Variants in LNX1 observed in about 807,000 individuals in gnomAD.
LNX1 encodes the protein E3 ubiquitin-protein ligase LNX.
A neutral mutation model predicts 68.4 loss-of-function variants in LNX1; 54 were observed. The observed-to-expected ratio is 0.79, with a 90% CI of 0.63 to 0.99. LNX1 has a LOEUF of 0.99. LNX1 is among the 50% of genes least tolerant of loss of function. LNX1 has a pLI of 0.00. For missense variants in LNX1, 906 were observed against 926.4 expected (o/e 0.98, Z 0.29); for synonymous variants, 336 against 350.0 (o/e 0.96, Z 0.45).
intron 1 of LNX1, among the ~76,000 whole-genome samples, chr4:53,643,136 T>C (rs1734749441): frequency 6.6e-6 from 1 of 152,056 alleles, no homozygotes; most frequent in South Asian, 2.1e-4. Flanking sequence ...TATTGTTGAG[T>C]CAAGAAATCT....
exon 1 of LNX1, chr4:53,652,171 T>C (rs1735135089): frequency 6.6e-6 from 1 of 152,180 alleles, no homozygotes; most frequent in Admixed American, 6.6e-5. Context: ...ATCTTACCTT[T>C]GCTGTATTGC....
chr4:53,506,902 G>GGTTGTTGT (rs999974422), intron 4 of LNX1, among the ~76,000 whole-genome samples: 1 of 131,480 alleles, frequency 7.6e-6, no homozygotes, highest in Non-Finnish European at 1.7e-5. Context: ...TACCTCATAG[G>GGTTGTTGT]GTTGTTGTGA....
At chr4:53,535,114 TC>T (rs1728276984) in intron 2 of LNX1, among the ~76,000 whole-genome samples, 2 of 148,066 alleles carry the variant, frequency 1.4e-5, no homozygotes, top group African/African-American at 4.9e-5. Context: ...ACCAATGTTT[TC>T]TCTCTGCATC....
At chr4:53,534,145 C>A (rs922698584) in intron 2 of LNX1, among the ~76,000 whole-genome samples, 1 of 152,202 alleles carries the variant, frequency 6.6e-6, no homozygotes, top group Non-Finnish European at 1.5e-5. Context: ...GGCCCAGTTA[C>A]CCCATGGAGA....
At chr4:53,651,891 T>G (rs1735111543) in intron 1 of LNX1, among the ~76,000 whole-genome samples, 1 of 152,178 alleles carries the variant, frequency 6.6e-6, no homozygotes, top group South Asian at 2.1e-4. Context: ...AAAGAAGCTT[T>G]TAATGAAGGC....
chr4:53,621,722 C>T (rs1367003627), upstream of LNX1, among the ~76,000 whole-genome samples: 3 of 152,192 alleles, frequency 2.0e-5, no homozygotes, highest in South Asian at 2.1e-4. Flanking sequence ...ACTTTTGAAA[C>T]GTTTATATTA....
rs1721833906 is a variant in LNX1, at chr4:53,460,676, A to ATGT, written c.*228_*230dup. On this transcript the variant is annotated 3_prime_UTR_variant, in exon 11 of 11. Coordinates refer to ENST00000263925, the MANE Select transcript of LNX1 (RefSeq NM_001126328.3). ...TTATTGAATAGAAAAAATATAAACA[A>ATGT]TGTTGTAGAGTAATGAGAAATCCTC... The ATGT allele has an allele frequency of 9.1e-6, 4 of 437,668 alleles. No individual in the cohort carries two copies. Among genetic ancestry groups the ATGT allele is most frequent in the Admixed American group, 8.8e-5 (2 of 22,616 alleles). 27.1% of individuals were successfully genotyped at this position (437,668 alleles called of 1,614,324 possible).
chr4:53,555,834 C>T (rs575630034), intron 2 of LNX1, among the ~76,000 whole-genome samples: 10 of 152,220 alleles, frequency 6.6e-5, no homozygotes, highest in South Asian at 2.1e-4. Flanking sequence ...TGCTTGTGTC[C>T]GTTCAGTTAT....
chr4:53,633,178 T>A (rs377641414), intron 1 of LNX1, among the ~76,000 whole-genome samples: 12 of 152,354 alleles, frequency 7.9e-5, no homozygotes, highest in Admixed American at 4.6e-4. Context: ...CTTGCAAGGA[T>A]ATTGTGATGA....
chr4:53,473,133 A>G (rs1723347020), intron 9 of LNX1, among the ~76,000 whole-genome samples: 1 of 152,212 alleles, frequency 6.6e-6, no homozygotes, highest in Admixed American at 6.5e-5. Context: ...CCATATTACT[A>G]TGAATGTAAA....
chr4:53,524,331 A>G (rs1230892805), intron 2 of LNX1: 1 of 152,174 alleles, frequency 6.6e-6, no homozygotes, highest in Admixed American at 6.5e-5. Flanking sequence ...GAGGTGGCAG[A>G]AAAAGTGGCA....
At chr4:53,651,210 G>A (rs1735084124) in intron 1 of LNX1, among the ~76,000 whole-genome samples, 1 of 152,204 alleles carries the variant, frequency 6.6e-6, no homozygotes, top group South Asian at 2.1e-4. Flanking sequence ...TGGGGGACTT[G>A]TGTATCTGAA....
At chr4:53,555,375 A>G (rs1729835732) in intron 2 of LNX1, among the ~76,000 whole-genome samples, 4 of 151,564 alleles carry the variant, frequency 2.6e-5, no homozygotes, top group Non-Finnish European at 5.9e-5. Flanking sequence ...CATTCCTCTA[A>G]GCACTTCAAG....
At chr4:53,632,408 T>A (rs1465916300) in intron 1 of LNX1, among the ~76,000 whole-genome samples, 1 of 152,198 alleles carries the variant, frequency 6.6e-6, no homozygotes, top group Non-Finnish European at 1.5e-5. Context: ...CTCAGACACC[T>A]GCCTTCTGCT....
intron 2 of LNX1, among the ~76,000 whole-genome samples, chr4:53,520,637 T>A (rs2109572789): frequency 6.6e-6 from 1 of 152,302 alleles, no homozygotes; most frequent in Non-Finnish European, 1.5e-5. Context: ...GGTTAACTTT[T>A]GGTCCCTGCA....
chr4:53,648,120 A>G (rs1395571215), intron 1 of LNX1, among the ~76,000 whole-genome samples: 1 of 152,262 alleles, frequency 6.6e-6, no homozygotes, highest in East Asian at 1.9e-4. Context: ...GTATATACCA[A>G]GAAATTGAAT....
At chr4:53,611,488 G>T (rs2572286) in intron 2 of LNX1, among the ~76,000 whole-genome samples, 63,954 of 151,872 alleles carry the variant, frequency 0.42, 13,424 homozygotes, top group Admixed American at 0.45. Flanking sequence ...TGGATAAAGT[G>T]ATCTTAAAGT....
intron 2 of LNX1, among the ~76,000 whole-genome samples, chr4:53,549,185 G>A (rs1577697243): frequency 6.6e-6 from 1 of 152,008 alleles, no homozygotes; most frequent in Non-Finnish European, 1.5e-5. Context: ...AAAAAAATAA[G>A]TTCTCCCCTT....
intron 2 of LNX1, among the ~76,000 whole-genome samples, chr4:53,534,834 A>G (rs11733754): frequency 0.82 from 124,387 of 152,164 alleles, 51,140 homozygotes; most frequent in Admixed American, 0.86. Context: ...CATTGTCCAG[A>G]CTGCTATGTC....
Sources: allele counts gnomAD v4.1 joint callset (sites outside exome capture counted in the v4.1 genomes callset), GRCh38; gene constraint gnomAD v4.1.1; transcripts MANE v1.5; gene names NCBI Gene and HGNC (gene_info 2026-07-23, HGNC 2026-07-21).